Variants in C15orf39 observed in about 807,000 individuals in gnomAD.
C15orf39 encodes uncharacterized protein C15orf39.
C15orf39 carries 24 observed loss-of-function variants against 53.9 expected under a neutral mutation model. The observed-to-expected ratio is 0.45, with a 90% CI of 0.32 to 0.63. The LOEUF is 0.63. Ranked by LOEUF, C15orf39 falls within the 20% of genes least tolerant of loss-of-function variation. The pLI is 0.04. For synonymous variants in C15orf39, 569 were observed against 576.5 expected (o/e 0.99, Z 0.19); for missense variants, 1,271 against 1,347.9 (o/e 0.94, Z 0.89).
Position 75,207,748 on chromosome 15 carries a change from C to T in C15orf39, c.1700C>T (p.Ser567Leu), listed in dbSNP as rs1567139557. The change falls in exon 2 of 3, where the codon TCA (serine) becomes TTA (leucine). Residue 567 changes from serine (S) to leucine (L), a missense_variant. Physicochemically the swap from Ser to Leu is moderately radical, Grantham distance 145 (BLOSUM62 -2). This residue lies in a region of C15orf39 where 994 missense variants were observed against 993.7 expected (regional missense o/e 1.00). Transcript: ENST00000394987. ...GPSGSKPLRG[S>L]LKEEVALDLS... Reference sequence around the variant, plus strand: ...TCAGGGAGTAAACCCCTAAGGGGCTCACTTAAGGAGGAGGTAGCCCTGGAT... The same window carrying T: ...TCAGGGAGTAAACCCCTAAGGGGCTTACTTAAGGAGGAGGTAGCCCTGGAT... The T allele has an allele frequency of 1.9e-6, 3 of 1,608,250 alleles. No individual in the cohort carries two copies. Among genetic ancestry groups the T allele is most frequent in the Non-Finnish European group, 2.5e-6 (3 of 1,177,156 alleles).
Position 75,207,735 on chromosome 15 carries a change from C to A in C15orf39, c.1687C>A (p.Pro563Thr), listed in dbSNP as rs1393109004. 3 of 1,606,468 alleles carry A rather than the reference C, an allele frequency of 1.9e-6. No homozygotes were observed. The highest frequency in any genetic ancestry group is 2.2e-5 in the East Asian group (1 of 44,818). The change falls in exon 2 of 3, where the codon CCC (proline) becomes ACC (threonine). Residue 563 changes from proline to threonine, a missense_variant. Physicochemically the swap from Pro to Thr is conservative, Grantham distance 38. Coordinates refer to ENST00000394987, the MANE Select transcript of C15orf39 (RefSeq NM_015492.5). ...PAQEGPSGSK[P>T]LRGSLKEEVA... is the part of the protein sequence containing the mutation. ...CCAGGAGGGCCCCTCAGGGAGTAAACCCCTAAGGGGCTCACTTAAGGAGGA... is the reference window on the plus strand; with the variant it reads ...CCAGGAGGGCCCCTCAGGGAGTAAAACCCTAAGGGGCTCACTTAAGGAGGA...
rs758639594 is a variant in C15orf39 at position 75,207,969 on chromosome 15, A to G, written c.1921A>G (p.Thr641Ala). 1.2e-6 allele frequency: 2 copies of G among 1,613,976 alleles called. No homozygotes were observed. Among genetic ancestry groups the G allele is most frequent in the Non-Finnish European group, 1.7e-6 (2 of 1,180,030 alleles). ...VPVTTDAMPR[T>A]NFHSSVAFMF... ...AGTGACCACAGATGCCATGCCAAGG[A>G]CCAACTTCCACAGCTCTGTGGCCTT... Residue 641 changes from threonine to alanine, a missense_variant, in exon 2 of 3, where the codon ACC (threonine) becomes GCC (alanine). Physicochemically the swap from Thr to Ala is moderately conservative, Grantham distance 58 (BLOSUM62 0). Transcript: ENST00000394987.
At position 75,206,542 on chromosome 15, in the gene C15orf39, C is replaced by A; in HGVS notation, c.494C>A (p.Pro165His). Reference sequence around the variant, plus strand: ...GTTGACTGGACTCTGGCGACTGGGCCCCTGTTGCCCTCAGCTGACCCACCC... The same window carrying A: ...GTTGACTGGACTCTGGCGACTGGGCACCTGTTGCCCTCAGCTGACCCACCC... ...LDVDWTLATG[P>H]LLPSADPPCS... Residue 165 changes from proline (P) to histidine (H), a missense_variant, in exon 2 of 3, where the codon CCC becomes CAC. Physicochemically the swap from Pro to His is moderately conservative, Grantham distance 77. Transcript: ENST00000394987. The A allele has an allele frequency of 6.2e-7, 1 of 1,613,948 alleles. No homozygotes were observed. Among genetic ancestry groups the A allele is most frequent in the Non-Finnish European group, 8.5e-7 (1 of 1,179,950 alleles).
chr15:75,201,135 G>A (rs1261806443), upstream of C15orf39, among the ~76,000 whole-genome samples: 1 of 152,068 alleles, frequency 6.6e-6, no homozygotes, highest in Non-Finnish European at 1.5e-5. The surrounding 1 kb of genome is among the most constrained non-coding windows in gnomAD (Gnocchi z 4.7). Context: ...GCACTGAGGG[G>A]CTCTCATCCA....
chr15:75,203,069 A>G (rs1011245218), intron 1 of C15orf39, among the ~76,000 whole-genome samples: 3 of 152,256 alleles, frequency 2.0e-5, no homozygotes, highest in Admixed American at 6.5e-5. Flanking sequence ...CAGGTAGGGA[A>G]GGTGGGAGAT....
Position 75,207,997 on chromosome 15 carries a change from T to C in C15orf39, c.1949T>C (p.Met650Thr), listed in dbSNP as rs748008443. The change falls in exon 2 of 3, where the codon ATG becomes ACG. Residue 650 changes from methionine to threonine, a missense_variant. Transcript: ENST00000394987. ...AACTTCCACAGCTCTGTGGCCTTCA[T>C]GTTCCGAAAGTTCAAGATCCTCCGT... is the stretch of plus-strand genomic sequence containing the variant. ...RTNFHSSVAF[M>T]FRKFKILRPA... is the part of the protein sequence containing the mutation. The C allele has an allele frequency of 1.9e-6, 3 of 1,614,062 alleles. No homozygotes were observed. Among genetic ancestry groups the C allele is most frequent in the South Asian group, 1.1e-5 (1 of 91,090 alleles).
chr15:75,203,314 T>C (rs1010026794), intron 1 of C15orf39, among the ~76,000 whole-genome samples: 6 of 152,202 alleles, frequency 3.9e-5, no homozygotes, highest in Admixed American at 2.0e-4. Context: ...TGAGTGACGT[T>C]GGAGCTTGGC....
At chr15:75,210,632 T>C in intron 2 of C15orf39, 117 bp from the exon 3 acceptor site, 1 of 1,421,194 alleles carries the variant, frequency 7.0e-7, no homozygotes, top group Non-Finnish European at 9.4e-7. Flanking sequence ...TGGGGAAGAG[T>C]TGTGATGCCA....
At chr15:75,208,919 T>C (rs1459978775) in intron 2 of C15orf39, 95 bp downstream of exon 2, 7 of 1,485,356 alleles carry the variant, frequency 4.7e-6, no homozygotes, top group Non-Finnish European at 8.9e-7. Context: ...GGCTGAGTGA[T>C]TCCAAGGACT....
At position 75,207,550 on chromosome 15, in the gene C15orf39, C is replaced by T. The variant is rs956006062; in HGVS notation, c.1502C>T (p.Pro501Leu). 2.5e-6 allele frequency: 4 copies of T among 1,613,638 alleles called. No homozygotes were observed. The highest frequency in any genetic ancestry group is 3.4e-6 in the Non-Finnish European group (4 of 1,180,000). ...AGGCCACCCAGCTCTCCACCAATGC[C>T]TGTCATTGACAATGTCTTCAGCCTG... is the stretch of plus-strand genomic sequence containing the variant. ...GARPPSSPPM[P>L]VIDNVFSLAP... The change falls in exon 2 of 3, where the codon CCT (proline) becomes CTT (leucine). Residue 501 changes from proline to leucine, a missense_variant. By Grantham distance (98) the Pro-to-Leu change is moderately conservative. Coordinates refer to ENST00000394987, the MANE Select transcript of C15orf39 (RefSeq NM_015492.5).
In C15orf39 at chr15:75,207,132, C is replaced by A. The variant is rs1184267628; in HGVS notation, c.1084C>A (p.Pro362Thr). Residue 362 changes from proline to threonine, a missense_variant, in exon 2 of 3, where the codon CCT becomes ACT. Around this residue, in one of 2 missense-constraint regions of C15orf39, gnomAD observed 994 missense variants for 993.7 expected, o/e 1.00. Coordinates refer to ENST00000394987, the MANE Select transcript of C15orf39 (RefSeq NM_015492.5). ...APSPGLKLEP[P>T]LTPRCPLDFA... The stretch of plus-strand genomic sequence containing the variant: ...CTCTCCAGGCCTCAAGCTGGAGCCG[C>A]CTCTCACTCCACGGTGCCCATTGGA... 1 of 1,613,740 alleles carries A rather than the reference C, an allele frequency of 6.2e-7. No individual in the cohort carries two copies. Among genetic ancestry groups the A allele is most frequent in the Non-Finnish European group, 8.5e-7 (1 of 1,180,000 alleles).
At chr15:75,200,968 T>G (rs2070397120), upstream of C15orf39, among the ~76,000 whole-genome samples, 1 of 152,074 alleles carries the variant, frequency 6.6e-6, no homozygotes, top group Non-Finnish European at 1.5e-5. Flanking sequence ...CAGGCAGAAC[T>G]TACCTTTGGG....
intron 1 of C15orf39, among the ~76,000 whole-genome samples, chr15:75,204,732 ACTC>A (rs960222372): frequency 7.3e-5 from 11 of 151,168 alleles, no homozygotes; most frequent in African/African-American, 2.7e-4. Context: ...TTGGTCTTGA[ACTC>A]CTGACCTCAA....
intron 1 of C15orf39, chr15:75,202,334 G>C (rs1457254127): frequency 6.6e-6 from 1 of 152,340 alleles, no homozygotes; most frequent in African/African-American, 2.4e-5. Flanking sequence ...GAGAACAGGC[G>C]CCTAATCTGG....
Position 75,206,721 on chromosome 15 carries a change from T to C in C15orf39, c.673T>C (p.Phe225Leu). The change falls in exon 2 of 3, where the codon TTC (phenylalanine) becomes CTC (leucine). Residue 225 changes from phenylalanine to leucine, a missense_variant. Coordinates refer to ENST00000394987, the MANE Select transcript of C15orf39 (RefSeq NM_015492.5). The stretch of plus-strand genomic sequence containing the variant: ...ATATCAGACCATCCACAGCACGGGC[T>C]TCCTGGCCTCCAGGTACACAGGTCC... The part of the protein sequence containing the change: ...EKYQTIHSTG[F>L]LASRYTGPYP... 1 of 1,613,744 alleles carries C rather than the reference T, an allele frequency of 6.2e-7. No homozygotes were observed. Among genetic ancestry groups the C allele is most frequent in the East Asian group, 2.2e-5 (1 of 44,880 alleles).
At position 75,211,111 on chromosome 15, in the gene C15orf39, C is replaced by T; in HGVS notation, c.3139C>T (p.Leu1047=). 6.3e-7 allele frequency: 1 copy of T among 1,594,450 alleles called. No individual in the cohort carries two copies. The highest frequency in any genetic ancestry group is 8.5e-7 in the Non-Finnish European group (1 of 1,176,730). Residue 1047 remains leucine (L), a synonymous_variant, in exon 3 of 3, where the codon CTG becomes TTG. Coordinates refer to ENST00000394987, the MANE Select transcript of C15orf39 (RefSeq NM_015492.5). ...GCTGCTGGACAGCCAGAGCCATCAC[C>T]TGTAGCACTGGTTGCCAGTGCTGTG... The part of the protein sequence containing the change: ...PQLLDSQSHH[L]
intron 1 of C15orf39, among the ~76,000 whole-genome samples, chr15:75,203,294 G>C (rs533330392): frequency 1.3e-5 from 2 of 152,368 alleles, no homozygotes; most frequent in Admixed American, 1.3e-4. Context: ...ACCCTGGCCT[G>C]GGTGCTGGCT....
chr15:75,211,512 C>T lies in C15orf39; in HGVS notation c.*396C>T, dbSNP rs1181331011. 1.6e-5 allele frequency: 3 copies of T among 182,618 alleles called. No homozygotes were observed. The highest frequency in any genetic ancestry group is 7.0e-5 in the African/African-American group (3 of 42,566). 11.3% of individuals were successfully genotyped at this position (182,618 alleles called of 1,614,324 possible). ...TGTGGGGATGCTGCCTGATACATAC[C>T]CTGTCACCATTTGGTCTCTGCTTCC... On this transcript the variant is annotated 3_prime_UTR_variant, in exon 3 of 3. Transcript: ENST00000394987.
intron 2 of C15orf39, among the ~76,000 whole-genome samples, chr15:75,210,041 C>T (rs1017732957): frequency 5.3e-5 from 8 of 152,194 alleles, no homozygotes; most frequent in African/African-American, 1.9e-4. Context: ...GTTGGGCTGT[C>T]TGGGGCCCAG....
Sources: gnomAD v4.1 joint callset for allele counts (sites outside exome capture counted in the v4.1 genomes callset) on GRCh38, gnomAD v4.1.1 for gene constraint, gnomAD v4.1.1 regional missense constraint, Gnocchi (gnomAD v3.1) non-coding constraint, MANE v1.5 for transcripts, NCBI Gene and HGNC (gene_info 2026-07-23, HGNC 2026-07-21) for gene names.